The following GET3 variants were observed in gnomAD, a reference collection of about 807,000 sequenced individuals.
GET3 encodes the protein ATPase GET3.
Under a neutral mutation model 32.4 loss-of-function variants are expected in GET3, and 15 were observed. The observed-to-expected ratio is 0.46, with a 90% CI of 0.31 to 0.71. The LOEUF (loss-of-function observed/expected upper bound fraction) is 0.71. Ranked by LOEUF, GET3 falls within the 30% of genes least tolerant of loss-of-function variation. GET3 has a pLI of 0.05. For missense variants in GET3, 333 were observed against 459.0 expected, an observed-to-expected ratio of 0.73 and a Z score of 2.51; for synonymous variants, 198 against 185.6, an observed-to-expected ratio of 1.07 and a Z score of -0.54.
In GET3 at chr19:12,738,719, C is replaced by T. The variant is rs935943656; in HGVS notation, c.309+61C>T. On this transcript the variant is annotated intron_variant, in intron 2 of 6. Coordinates refer to ENST00000357332, the MANE Select transcript of GET3 (RefSeq NM_004317.4). ...AAAGCCTCTTCCAGCCTTTCTTGTG[C>T]GCACACACCAGCAGCCACCGTGTCC... 1.4e-5 allele frequency: 22 copies of T among 1,603,394 alleles called. No homozygotes were observed. In the Admixed American group the frequency reaches 2.5e-4, roughly 18 times the overall value.
At position 12,745,284 on chromosome 19, in the gene GET3, C is replaced by A; in HGVS notation, c.310-93C>A. ...ACCACAGGCTCCCTCTGGCCCTGTG[C>A]CCGGGTAGGAAGGCTCCCCCTGGCC... On this transcript the variant is annotated intron_variant, in intron 2 of 6. Coordinates refer to ENST00000357332, the MANE Select transcript of GET3 (RefSeq NM_004317.4). The surrounding 1 kb of genome is among the most constrained non-coding windows in gnomAD (Gnocchi z 5.0). The A allele has an allele frequency of 1.3e-6, 2 of 1,492,408 alleles. No homozygotes were observed. Among genetic ancestry groups the A allele is most frequent in the Non-Finnish European group, 1.8e-6 (2 of 1,104,658 alleles). The allele number at this position is 1,492,408 out of a possible 1,614,324, so 92.4% of individuals were successfully genotyped here. A position where few individuals can be genotyped will look rare whatever the true frequency, so the allele number is the denominator to read the frequency against.
intron 2 of GET3, 108 bp downstream of exon 2, chr19:12,738,766 C>G (rs957204812): frequency 2.1e-6 from 3 of 1,402,416 alleles, no homozygotes; most frequent in Non-Finnish European, 2.9e-6. Context: ...TATCCTGTGT[C>G]TCTCGTGTTT....
chr19:12,738,867 T>C (rs1308142107), intron 2 of GET3, among the ~76,000 whole-genome samples: 2 of 151,906 alleles, frequency 1.3e-5, no homozygotes, highest in African/African-American at 4.8e-5. Flanking sequence ...TGAGCCAGGG[T>C]AGGGGAAGGA....
In GET3 at chr19:12,747,418, A is replaced by G. The variant is rs751613467; in HGVS notation, c.741A>G (p.Val247=). 3 of 1,613,986 alleles carry G rather than the reference A, an allele frequency of 1.9e-6. No homozygotes were observed. The highest frequency in any genetic ancestry group is 2.2e-5 in the South Asian group (2 of 91,076). The change falls in exon 6 of 7, where the codon GTA becomes GTG. Residue 247 remains valine, a synonymous_variant. Transcript: ENST00000357332. This position sits in a 1 kb window ranked among gnomAD's most constrained non-coding sequence, Gnocchi z 4.0. ...AGGAGCAGACAACTTTCATCTGCGTATGCATTGCTGAGTTCCTGTCCCTGT... is the reference window on the plus strand; with the variant it reads ...AGGAGCAGACAACTTTCATCTGCGTGTGCATTGCTGAGTTCCTGTCCCTGT... ...KDPEQTTFIC[V]CIAEFLSLYE... is the part of the protein sequence containing the mutation.
chr19:12,738,238 CACTGTGCCCAGCAAA>C (rs2145684097), intron 1 of GET3, among the ~76,000 whole-genome samples: 1 of 152,234 alleles, frequency 6.6e-6, no homozygotes, highest in Admixed American at 6.5e-5. Flanking sequence ...TGGGCCATGC[CACTGTGCCCAGCAAA>C]AAAGAAGCAG....
At chr19:12,744,712 C>G (rs568561764) in intron 2 of GET3, among the ~76,000 whole-genome samples, 1 of 152,156 alleles carries the variant, frequency 6.6e-6, no homozygotes, top group Non-Finnish European at 1.5e-5. Context: ...AAAACCCCTG[C>G]CCCTGAGGGG....
intron 2 of GET3, among the ~76,000 whole-genome samples, chr19:12,739,306 T>C (rs948529808): frequency 1.8e-4 from 27 of 152,170 alleles, no homozygotes; most frequent in African/African-American, 6.3e-4. Context: ...TAGCTGGCAC[T>C]ACAGGCTTGC....
chr19:12,742,027 G>A (rs933593681), intron 2 of GET3, among the ~76,000 whole-genome samples: 4 of 152,108 alleles, frequency 2.6e-5, no homozygotes, highest in Non-Finnish European at 4.4e-5. Context: ...TGCTTGCAGA[G>A]ACTGAGACAA....
At position 12,748,158 on chromosome 19, in the gene GET3, AC is replaced by A; in HGVS notation, c.*59del. On this transcript the variant is annotated 3_prime_UTR_variant, in exon 7 of 7. Transcript: ENST00000357332. ...TTCACACTCACCCTCCACCCTCCCC[AC>A]CCCCTCGGGGCAGAGTTTGCACAAA... 1 of 1,479,242 alleles carries A rather than the reference AC, an allele frequency of 6.8e-7. No individual in the cohort carries two copies. The highest frequency in any genetic ancestry group is 2.0e-5 in the Admixed American group (1 of 50,288). 91.6% of individuals were successfully genotyped at this position (1,479,242 alleles called of 1,614,324 possible). A position where few individuals can be genotyped will look rare whatever the true frequency, so the allele number is the denominator to read the frequency against.
At position 12,747,598 on chromosome 19, in the gene GET3, C is replaced by A; in HGVS notation, c.915+6C>A. The A allele has an allele frequency of 6.2e-7, 1 of 1,611,492 alleles. No homozygotes were observed. ...AGGCCAAGTATCTGGACCAGGTGTGCCCACCCACCCAGCACTGGCTCAGCA... is the reference window on the plus strand; with the variant it reads ...AGGCCAAGTATCTGGACCAGGTGTGACCACCCACCCAGCACTGGCTCAGCA... On this transcript the variant is annotated splice_donor_region_variant and intron_variant, in intron 6 of 6. Coordinates refer to ENST00000357332, the MANE Select transcript of GET3 (RefSeq NM_004317.4). The surrounding 1 kb of genome is among the most constrained non-coding windows in gnomAD (Gnocchi z 4.0).
chr19:12,747,927 T>C lies in GET3; in HGVS notation c.916-46T>C, dbSNP rs1355813434. 1 of 1,537,228 alleles carries C rather than the reference T, an allele frequency of 6.5e-7. No homozygotes were observed. Among genetic ancestry groups the C allele is most frequent in the East Asian group, 2.3e-5 (1 of 44,036 alleles). On this transcript the variant is annotated intron_variant, in intron 6 of 6. Transcript: ENST00000357332. This position sits in a 1 kb window ranked among gnomAD's most constrained non-coding sequence, Gnocchi z 4.0. ...TATTGATCCACACTCTGTCTCTGCC[T>C]TCCTGCCCCCTGACCACTGCCTTCT...
intron 2 of GET3, among the ~76,000 whole-genome samples, chr19:12,743,422 G>A (rs1039985919): frequency 6.6e-6 from 1 of 151,714 alleles, no homozygotes; most frequent in South Asian, 2.1e-4. Flanking sequence ...GTTGCAGTGA[G>A]CCAAGATCAC....
At chr19:12,743,672 C>T (rs925494887) in intron 2 of GET3, among the ~76,000 whole-genome samples, 1 of 146,980 alleles carries the variant, frequency 6.8e-6, no homozygotes, top group African/African-American at 2.5e-5. Context: ...CGCCTGTAGT[C>T]CCAGCTACTC....
At chr19:12,743,320 A>G (rs1394035991) in intron 2 of GET3, among the ~76,000 whole-genome samples, 2 of 152,016 alleles carry the variant, frequency 1.3e-5, no homozygotes, top group African/African-American at 2.4e-5. Flanking sequence ...TCTACTAAAA[A>G]TACAAAATTA....
In GET3 at chr19:12,745,223, A is replaced by G. The variant is rs1429124863; in HGVS notation, c.310-154A>G. On this transcript the variant is annotated intron_variant, in intron 2 of 6. Coordinates refer to ENST00000357332, the MANE Select transcript of GET3 (RefSeq NM_004317.4). This position sits in a 1 kb window ranked among gnomAD's most constrained non-coding sequence, Gnocchi z 5.0. ...CTAAGTACTACCTCAGGGTCCCCCC[A>G]GCCGTGACCTAATGAAATGCCTGTG... 6.6e-6 allele frequency among the ~76,000 whole-genome samples: 1 copy of G among 151,954 alleles called. No homozygotes were observed. The highest frequency in any genetic ancestry group is 1.5e-5 in the Non-Finnish European group (1 of 67,982).
At chr19:12,737,720 A>C in intron 1 of GET3, 54 bp downstream of exon 1, 1 of 1,535,796 alleles carries the variant, frequency 6.5e-7, no homozygotes, top group Non-Finnish European at 8.7e-7. Flanking sequence ...CACTGGGCGA[A>C]GGGGAGGCCA....
intron 2 of GET3, among the ~76,000 whole-genome samples, chr19:12,739,347 T>TA (rs1207053832): frequency 2.0e-5 from 3 of 152,018 alleles, no homozygotes; most frequent in African/African-American, 7.2e-5. Context: ...TTGTTTTTTT[T>TA]AGGAGACAGG....
In GET3 at chr19:12,745,079, G is replaced by A. The variant is rs1006913654; in HGVS notation, c.310-298G>A. ...TATCTGGGGTTGCAAGTGGCAGGTT[G>A]CAAGTGGGGAGTAGCAGTGTAAATG... On this transcript the variant is annotated intron_variant, in intron 2 of 6. Transcript: ENST00000357332. The surrounding 1 kb of genome is among the most constrained non-coding windows in gnomAD (Gnocchi z 5.0). 2.0e-5 allele frequency among the ~76,000 whole-genome samples: 3 copies of A among 152,132 alleles called. No individual in the cohort carries two copies. The highest frequency in any genetic ancestry group is 7.2e-5 in the African/African-American group (3 of 41,418).
rs753696725 is a variant in GET3, at chr19:12,747,958, C to A, written c.916-15C>A. 1.5e-5 allele frequency: 24 copies of A among 1,585,088 alleles called. No individual in the cohort carries two copies. Among genetic ancestry groups the A allele is most frequent in the Non-Finnish European group, 1.9e-5 (22 of 1,161,598 alleles). On this transcript the variant is annotated splice_polypyrimidine_tract_variant and intron_variant, in intron 6 of 6. Coordinates refer to ENST00000357332, the MANE Select transcript of GET3 (RefSeq NM_004317.4). This position sits in a 1 kb window ranked among gnomAD's most constrained non-coding sequence, Gnocchi z 4.0. ...CCCCCTGACCACTGCCTTCTACCCT[C>A]TGCCCTGGCTGCAGATGGAGGACCT...
Sources: gnomAD v4.1 joint callset for allele counts (sites outside exome capture counted in the v4.1 genomes callset) on GRCh38, gnomAD v4.1.1 for gene constraint, Gnocchi (gnomAD v3.1) non-coding constraint, MANE v1.5 for transcripts, NCBI Gene and HGNC (gene_info 2026-07-23, HGNC 2026-07-21) for gene names.